CCBE1: variants seen among roughly 807,000 people sequenced by gnomAD.
CCBE1 encodes collagen and calcium-binding EGF domain-containing protein 1.
A neutral mutation model predicts 50.0 loss-of-function variants in CCBE1; 37 were observed. The observed-to-expected ratio is 0.74, with a 90% CI of 0.57 to 0.97. The LOEUF is 0.97. Ranked by LOEUF, CCBE1 falls within the 50% of genes least tolerant of loss-of-function variation. The pLI, the probability that CCBE1 is intolerant of heterozygous loss-of-function variation, is 0.00. For missense variants in CCBE1, 538 were observed against 523.8 expected (o/e 1.03, Z -0.26); for synonymous variants, 234 against 203.7 (o/e 1.15, Z -1.27).
chr18:59,518,257 G>A (rs577122821), intron 2 of CCBE1, among the ~76,000 whole-genome samples: 23 of 152,332 alleles, frequency 1.5e-4, no homozygotes, highest in Admixed American at 2.6e-4. Context: ...GGGAGGCCGA[G>A]GCTGGCAGAT....
At chr18:59,576,042 T>G (rs1410320991) in intron 2 of CCBE1, among the ~76,000 whole-genome samples, 3 of 152,228 alleles carry the variant, frequency 2.0e-5, no homozygotes, top group Non-Finnish European at 2.9e-5. Flanking sequence ...GCATTTGGCC[T>G]TTTTCACTTG....
intron 7 of CCBE1, among the ~76,000 whole-genome samples, chr18:59,443,252 G>C (rs1272035045): frequency 6.6e-6 from 1 of 152,142 alleles, no homozygotes; most frequent in Non-Finnish European, 1.5e-5. Context: ...CTTGTGTGTG[G>C]AACACAGCAT....
At position 59,528,443 on chromosome 18, in the gene CCBE1, C is replaced by T. The variant is rs181899294; in HGVS notation, c.213-48205G>A. ...TTAGCTCAGTGAAGTTCGTTATTAC[C>T]CACCTTCTGAAGCCTACTTCTGTCA... On this transcript the variant is annotated intron_variant, in intron 2 of 10. Coordinates refer to ENST00000439986, the MANE Select transcript of CCBE1 (RefSeq NM_133459.4). Among the ~76,000 whole-genome samples the T allele has an allele frequency of 5.6e-4, 85 of 152,312 alleles. 1 individual carries two copies. In the East Asian group the frequency reaches 0.014, roughly 26 times the overall value.
intron 2 of CCBE1, among the ~76,000 whole-genome samples, chr18:59,665,534 C>T (rs895604456): frequency 9.2e-5 from 14 of 152,228 alleles, no homozygotes; most frequent in Non-Finnish European, 2.1e-4. Flanking sequence ...ACCAATTTAT[C>T]TGGCTGTTCA....
intron 2 of CCBE1, among the ~76,000 whole-genome samples, chr18:59,561,100 C>T (rs1262107930): frequency 6.6e-6 from 1 of 152,278 alleles, no homozygotes; most frequent in East Asian, 1.9e-4. Flanking sequence ...CAAGTGGAAA[C>T]AGAGTACTGA....
intron 2 of CCBE1, among the ~76,000 whole-genome samples, chr18:59,483,789 T>C (rs1335232462): frequency 6.6e-6 from 1 of 152,206 alleles, no homozygotes; most frequent in East Asian, 1.9e-4. Flanking sequence ...ATATGAAGTA[T>C]GCTTTCAATA....
At position 59,435,584 on chromosome 18, in the gene CCBE1, A is replaced by G. The variant is rs1319062131; in HGVS notation, c.*324T>C. 4 of 355,272 alleles carry G rather than the reference A, an allele frequency of 1.1e-5. No homozygotes were observed. Among genetic ancestry groups the G allele is most frequent in the Non-Finnish European group, 2.1e-5 (4 of 190,130 alleles). The allele number at this position is 355,272 out of a possible 1,614,324, so 22.0% of individuals were successfully genotyped here. ...CTGCCAAATTTAACTTCAAGAATTT[A>G]TGATTTAAGACACTGTGAGAGTACT... On this transcript the variant is annotated 3_prime_UTR_variant, in exon 11 of 11. Coordinates refer to ENST00000439986, the MANE Select transcript of CCBE1 (RefSeq NM_133459.4).
intron 2 of CCBE1, among the ~76,000 whole-genome samples, chr18:59,655,751 C>T (rs1040482625): frequency 3.9e-5 from 6 of 152,268 alleles, no homozygotes; most frequent in Non-Finnish European, 5.9e-5. Flanking sequence ...GGCAGGGCTA[C>T]GGAGGGCCCA....
At chr18:59,459,368 A>G (rs1422165895) in intron 5 of CCBE1, among the ~76,000 whole-genome samples, 3 of 152,234 alleles carry the variant, frequency 2.0e-5, no homozygotes, top group African/African-American at 7.2e-5. Flanking sequence ...ACATGGAGCT[A>G]CAAATAATCT....
intron 10 of CCBE1, among the ~76,000 whole-genome samples, chr18:59,437,671 C>G (rs1910220832): frequency 7.1e-6 from 1 of 140,708 alleles, no homozygotes; most frequent in Admixed American, 7.4e-5. Context: ...AGGTCCTAAA[C>G]AGCCCTGCGT....
At chr18:59,658,397 ATATATATATATATAT>A (rs2054232449) in intron 2 of CCBE1, among the ~76,000 whole-genome samples, 1 of 53,566 alleles carries the variant, frequency 1.9e-5, no homozygotes, top group African/African-American at 7.0e-5. Context: ...ATATATATAT[ATATATATATATATAT>A]ATATAAAGTT....
intron 2 of CCBE1, among the ~76,000 whole-genome samples, chr18:59,503,220 T>C (rs143775008): frequency 1.5e-3 from 226 of 152,328 alleles, no homozygotes; most frequent in Non-Finnish European, 3.0e-3. Flanking sequence ...ATTAAGTGTC[T>C]TAGGCAGCGA....
At chr18:59,531,117 A>G (rs919723864) in intron 2 of CCBE1, among the ~76,000 whole-genome samples, 4 of 152,146 alleles carry the variant, frequency 2.6e-5, no homozygotes, top group Admixed American at 6.6e-5. Context: ...TGAGTACTCC[A>G]TGTTTTTCCA....
chr18:59,431,258 G>T lies in CCBE1; in HGVS notation c.*4650C>A, dbSNP rs557695360. On this transcript the variant is annotated 3_prime_UTR_variant, in exon 11 of 11. Transcript: ENST00000439986. ...ATGCCTTAACAATTACAGTCATGGT[G>T]TGTTTTGTTTTCCAAATGGAAAATT... The T allele has an allele frequency of 1.5e-4, 23 of 152,332 alleles. No individual in the cohort carries two copies. The highest frequency in any genetic ancestry group is 2.5e-4 in the Non-Finnish European group (17 of 68,036). 9.4% of individuals were successfully genotyped at this position (152,332 alleles called of 1,614,324 possible).
At chr18:59,607,962 G>A (rs923562621) in intron 2 of CCBE1, among the ~76,000 whole-genome samples, 2 of 152,052 alleles carry the variant, frequency 1.3e-5, no homozygotes, top group Non-Finnish European at 2.9e-5. Context: ...TGTAGTCCCA[G>A]CTACTCAGGA....
At chr18:59,678,443 T>G (rs572704431) in intron 2 of CCBE1, among the ~76,000 whole-genome samples, 1 of 152,164 alleles carries the variant, frequency 6.6e-6, no homozygotes, top group Non-Finnish European at 1.5e-5. Flanking sequence ...GTTGAAAATG[T>G]CCATGAAGAC....
At chr18:59,568,205 C>T (rs536621845) in intron 2 of CCBE1, 1 of 151,374 alleles carries the variant, frequency 6.6e-6, no homozygotes, top group Non-Finnish European at 1.5e-5. Context: ...GAGGTTCTGC[C>T]CTGTTGTAAC....
intron 2 of CCBE1, among the ~76,000 whole-genome samples, chr18:59,576,650 AGTGAGGCTTGCAT>A (rs1272586185): frequency 3.3e-5 from 5 of 152,142 alleles, no homozygotes; most frequent in Non-Finnish European, 7.4e-5. Context: ...ATGAGCTGTG[AGTGAGGCTTGCAT>A]GTGGTTTCTT....
At chr18:59,649,384 T>C (rs1249974507) in intron 2 of CCBE1, among the ~76,000 whole-genome samples, 1 of 152,200 alleles carries the variant, frequency 6.6e-6, no homozygotes, top group African/African-American at 2.4e-5. Context: ...AAGACTGACA[T>C]GCAAGACAAA....
Sources: allele counts gnomAD v4.1 joint callset (sites outside exome capture counted in the v4.1 genomes callset), GRCh38; gene constraint gnomAD v4.1.1; transcripts MANE v1.5; gene names NCBI Gene and HGNC (gene_info 2026-07-23, HGNC 2026-07-21).